MCTP1: variants seen among roughly 807,000 people sequenced by gnomAD.
MCTP1 encodes the protein multiple C2 and transmembrane domain-containing protein 1.
Under a neutral mutation model 120.6 loss-of-function variants are expected in MCTP1, and 69 were observed. The observed-to-expected ratio is 0.57, with a 90% CI of 0.47 to 0.70. The LOEUF is 0.70. Ranked by LOEUF, MCTP1 falls within the 30% of genes least tolerant of loss-of-function variation. The pLI is 0.00. For synonymous variants in MCTP1, 529 were observed against 493.1 expected (o/e 1.07, Z -0.96); for missense variants, 1,203 against 1,248.8 (o/e 0.96, Z 0.55).
At chr5:94,919,625 G>A (rs1811027445) in intron 7 of MCTP1, among the ~76,000 whole-genome samples, 1 of 152,164 alleles carries the variant, frequency 6.6e-6, no homozygotes, top group South Asian at 2.1e-4. Flanking sequence ...GGGTGCATGT[G>A]CTTTTATTTA....
intron 5 of MCTP1, among the ~76,000 whole-genome samples, chr5:94,932,306 C>T (rs1321995141): frequency 6.6e-6 from 1 of 150,702 alleles, no homozygotes; most frequent in Admixed American, 6.6e-5. Context: ...TCCAATGGCT[C>T]CTTTTGGTGG....
At position 94,909,464 on chromosome 5, in the gene MCTP1, G is replaced by A; in HGVS notation, c.1522-83C>T. ...CCTGAGACACTAAATCAAACTTTTG[G>A]TACTATAGTATCTAGAAAAGCACGC... On this transcript the variant is annotated intron_variant, in intron 9 of 22. Transcript: ENST00000515393. The A allele has an allele frequency of 5.8e-6, 8 of 1,378,396 alleles. No homozygotes were observed. The South Asian group carries it at 6.7e-5, about 12-fold the overall frequency. The allele number at this position is 1,378,396 out of a possible 1,614,324, so 85.4% of individuals were successfully genotyped here.
At chr5:94,739,062 C>G (rs1203849000) in intron 19 of MCTP1, 1 of 152,146 alleles carries the variant, frequency 6.6e-6, no homozygotes, top group Non-Finnish European at 1.5e-5. Flanking sequence ...TAATTTCGGC[C>G]AAGAGAGCAG....
rs543051867 is a variant in MCTP1, at chr5:94,705,247, A to G, written c.*2249T>C. On this transcript the variant is annotated 3_prime_UTR_variant, in exon 23 of 23. Coordinates refer to ENST00000515393, the MANE Select transcript of MCTP1 (RefSeq NM_024717.7). ...GAAATAAATAGTTAAAATTTTAACT[A>G]TACATATTCTGTTTTCAGCCTGTGA... is the stretch of plus-strand genomic sequence containing the variant. 1.3e-5 allele frequency: 2 copies of G among 151,616 alleles called. No individual in the cohort carries two copies. The highest frequency in any genetic ancestry group is 3.9e-4 in the East Asian group (2 of 5,134). The allele number at this position is 151,616 out of a possible 1,614,324, so 9.4% of individuals were successfully genotyped here.
chr5:94,856,808 ATGT>A (rs1285010345), intron 17 of MCTP1, among the ~76,000 whole-genome samples: 5 of 151,724 alleles, frequency 3.3e-5, no homozygotes, highest in Admixed American at 1.3e-4. Context: ...AGAGAGACTA[ATGT>A]TGTGGCCTCT....
intron 1 of MCTP1, among the ~76,000 whole-genome samples, chr5:95,171,672 G>A (rs116401824): frequency 2.2e-3 from 336 of 151,990 alleles, no homozygotes; most frequent in African/African-American, 7.4e-3. Context: ...ATCTTCCATC[G>A]CTGGTACCCT....
chr5:94,993,322 G>A (rs1278480134), intron 2 of MCTP1, among the ~76,000 whole-genome samples: 3 of 151,554 alleles, frequency 2.0e-5, no homozygotes, highest in African/African-American at 7.3e-5. Context: ...TCATAATTAC[G>A]GAGCATCTAC....
intron 19 of MCTP1, among the ~76,000 whole-genome samples, chr5:94,775,940 T>C (rs1255479174): frequency 1.4e-5 from 2 of 146,442 alleles, no homozygotes; most frequent in Non-Finnish European, 3.0e-5. Context: ...AATATATTAA[T>C]ATATATTATA....
At chr5:95,048,941 T>C (rs1745222965) in intron 1 of MCTP1, among the ~76,000 whole-genome samples, 1 of 152,164 alleles carries the variant, frequency 6.6e-6, no homozygotes, top group Non-Finnish European at 1.5e-5. Flanking sequence ...AACTCCATTC[T>C]AGCCATTGGA....
rs200365190 is a variant in MCTP1 at position 94,980,300 on chromosome 5, TG to T, written c.839-26940del. Among the ~76,000 whole-genome samples, 112 of 152,240 alleles carry T rather than the reference TG, an allele frequency of 7.4e-4. No individual in the cohort carries two copies. The East Asian group carries it at 0.019, about 25-fold the overall frequency. On this transcript the variant is annotated intron_variant, in intron 2 of 22. Transcript: ENST00000515393. ...CCAATGCCTTCCCGTCACAACTAAG[TG>T]ATGAATGAATAATCTTATAGAAACA...
At chr5:95,245,447 G>T (rs549857612) in intron 1 of MCTP1, among the ~76,000 whole-genome samples, 1 of 152,224 alleles carries the variant, frequency 6.6e-6, no homozygotes, top group African/African-American at 2.4e-5. Flanking sequence ...TAGACAAATG[G>T]CTAACTAGAA....
intron 2 of MCTP1, among the ~76,000 whole-genome samples, chr5:94,961,644 T>C (rs10043438): frequency 0.38 from 57,213 of 151,956 alleles, 10,965 homozygotes; most frequent in Middle Eastern, 0.43. Flanking sequence ...CTACAGAGTC[T>C]CTGCTGCTGT....
At chr5:94,755,817 TGG>T (rs979569742) in intron 19 of MCTP1, among the ~76,000 whole-genome samples, 1 of 152,202 alleles carries the variant, frequency 6.6e-6, no homozygotes, top group African/African-American at 2.4e-5. Context: ...GTATCTCTAA[TGG>T]GTAATTCTCA....
At chr5:95,005,405 G>C (rs1834513568) in intron 2 of MCTP1, among the ~76,000 whole-genome samples, 1 of 129,262 alleles carries the variant, frequency 7.7e-6, no homozygotes, top group East Asian at 2.2e-4. Context: ...TTTAAAATGT[G>C]AGAAGGACAT....
chr5:94,876,854 A>T (rs1426142703), intron 12 of MCTP1, among the ~76,000 whole-genome samples: 1 of 152,058 alleles, frequency 6.6e-6, no homozygotes, highest in African/African-American at 2.4e-5. Flanking sequence ...TTCTAGAGAG[A>T]AATAGGAATG....
At chr5:95,073,039 T>C (rs917274465) in intron 1 of MCTP1, among the ~76,000 whole-genome samples, 1 of 152,122 alleles carries the variant, frequency 6.6e-6, no homozygotes, top group African/African-American at 2.4e-5. Context: ...ACTGGAGATA[T>C]GGAGGACCTC....
At chr5:95,212,602 C>CA (rs1752522442) in intron 1 of MCTP1, among the ~76,000 whole-genome samples, 1 of 151,858 alleles carries the variant, frequency 6.6e-6, no homozygotes. Flanking sequence ...AACATTGATG[C>CA]AAAAATCCTC....
chr5:94,760,898 T>A (rs889371809), intron 19 of MCTP1, among the ~76,000 whole-genome samples: 5 of 152,050 alleles, frequency 3.3e-5, no homozygotes, highest in African/African-American at 1.2e-4. Flanking sequence ...TCACCCAAGC[T>A]GGTCTCCAAC....
chr5:95,256,769 T>G (rs71630709), intron 1 of MCTP1, among the ~76,000 whole-genome samples: 292 of 152,082 alleles, frequency 1.9e-3, no homozygotes, highest in Non-Finnish European at 2.6e-3. Flanking sequence ...TTGCAGGGAG[T>G]AAGAGAAAGC....
Sources: allele counts gnomAD v4.1 joint callset (sites outside exome capture counted in the v4.1 genomes callset), GRCh38; gene constraint gnomAD v4.1.1; transcripts MANE v1.5; gene names NCBI Gene and HGNC (gene_info 2026-07-23, HGNC 2026-07-21).